Variants in RICTOR observed in about 807,000 individuals in gnomAD.
RICTOR encodes RPTOR independent companion of MTOR complex 2.
A neutral mutation model predicts 214.9 loss-of-function variants in RICTOR; 49 were observed. The ratio of observed to expected loss-of-function variants is 0.23; its 90% confidence interval spans 0.18 to 0.29. RICTOR has a LOEUF of 0.29. RICTOR is among the 10% of genes least tolerant of loss of function. RICTOR has a pLI of 1.00. For missense variants in RICTOR, 1,625 were observed against 2,047.0 expected (o/e 0.79, Z 3.98); for synonymous variants, 717 against 711.3 (o/e 1.01, Z -0.13).
intron 6 of RICTOR, among the ~76,000 whole-genome samples, chr5:38,993,254 ATC>A (rs781565147): frequency 8.5e-5 from 13 of 152,198 alleles, no homozygotes; most frequent in Non-Finnish European, 1.0e-4. Flanking sequence ...CAGCCAATGA[ATC>A]TCTTTCAAAT....
intron 2 of RICTOR, among the ~76,000 whole-genome samples, chr5:39,028,232 G>C (rs1755996345): frequency 7.2e-6 from 1 of 138,016 alleles, no homozygotes; most frequent in African/African-American, 2.8e-5. Context: ...GCCCAGGCTG[G>C]AGTGCAGTGG....
At chr5:39,023,203 T>C (rs1483243921) in intron 2 of RICTOR, among the ~76,000 whole-genome samples, 2 of 150,684 alleles carry the variant, frequency 1.3e-5, no homozygotes, top group African/African-American at 4.9e-5. Context: ...TTTAAAATAA[T>C]GAAAGAAAAA....
intron 2 of RICTOR, among the ~76,000 whole-genome samples, chr5:39,057,056 A>G (rs1758251000): frequency 6.6e-6 from 1 of 152,210 alleles, no homozygotes; most frequent in Admixed American, 6.5e-5. Flanking sequence ...CAGGTGCTCA[A>G]TGTATTATTT....
intron 3 of RICTOR, among the ~76,000 whole-genome samples, chr5:39,010,580 T>A (rs762160624): frequency 5.9e-5 from 9 of 152,166 alleles, no homozygotes; most frequent in Non-Finnish European, 8.8e-5. Flanking sequence ...TTTGACCAAA[T>A]TGCTGATAGT....
chr5:39,049,062 G>A (rs1393859555), intron 2 of RICTOR, among the ~76,000 whole-genome samples: 1 of 152,064 alleles, frequency 6.6e-6, no homozygotes, highest in Admixed American at 6.6e-5. Flanking sequence ...CTCTTGCATG[G>A]TTAAGGGAAA....
At chr5:39,032,660 T>C (rs560145846) in intron 2 of RICTOR, among the ~76,000 whole-genome samples, 2 of 152,152 alleles carry the variant, frequency 1.3e-5, no homozygotes, top group Non-Finnish European at 1.5e-5. Flanking sequence ...GAGTCACACA[T>C]TAGAAAAGAG....
intron 36 of RICTOR, chr5:38,944,159 TAAA>T (rs1561434548): frequency 2.0e-6 from 1 of 490,318 alleles, no homozygotes; most frequent in Non-Finnish European, 3.9e-6. Context: ...TTTCCAAAAG[TAAA>T]AAAGTGAGAA....
chr5:39,035,724 A>G (rs1303091814), intron 2 of RICTOR, among the ~76,000 whole-genome samples: 2 of 152,250 alleles, frequency 1.3e-5, no homozygotes, highest in African/African-American at 4.8e-5. Flanking sequence ...TATCAGCGAT[A>G]GAAGATGAAA....
intron 2 of RICTOR, among the ~76,000 whole-genome samples, chr5:39,063,866 G>A (rs948873037): frequency 2.0e-5 from 3 of 151,340 alleles, no homozygotes; most frequent in African/African-American, 4.9e-5. Context: ...ATTGAAGGAC[G>A]CAGATTCTTG....
At chr5:39,064,649 G>A (rs181055041) in intron 2 of RICTOR, among the ~76,000 whole-genome samples, 18 of 152,210 alleles carry the variant, frequency 1.2e-4, no homozygotes, top group Admixed American at 6.5e-4. Flanking sequence ...ACCTGGGAGC[G>A]GGAGGAGGCA....
intron 3 of RICTOR, among the ~76,000 whole-genome samples, chr5:39,020,812 T>A (rs1580119800): frequency 6.6e-6 from 1 of 152,246 alleles, no homozygotes; most frequent in East Asian, 1.9e-4. Flanking sequence ...TCAGTGATTT[T>A]ATTCTTTTCT....
At chr5:38,988,313 T>A (rs932675731) in intron 7 of RICTOR, among the ~76,000 whole-genome samples, 2 of 152,162 alleles carry the variant, frequency 1.3e-5, no homozygotes, top group African/African-American at 4.8e-5. Flanking sequence ...CCCACTATTA[T>A]TGTGTGGGAG....
intron 21 of RICTOR, 105 bp downstream of exon 21, chr5:38,959,674 A>G: frequency 2.8e-6 from 2 of 705,974 alleles, no homozygotes; most frequent in South Asian, 4.1e-5. Context: ...AATTTAAAAT[A>G]AAACTTAACC....
intron 2 of RICTOR, among the ~76,000 whole-genome samples, chr5:39,046,537 A>C (rs1757517326): frequency 6.6e-6 from 1 of 151,170 alleles, no homozygotes; most frequent in Non-Finnish European, 1.5e-5. Flanking sequence ...GCCATCATTC[A>C]AATTAAGCTG....
intron 2 of RICTOR, among the ~76,000 whole-genome samples, chr5:39,073,510 G>A (rs1449975141): frequency 6.6e-6 from 1 of 152,158 alleles, no homozygotes; most frequent in Non-Finnish European, 1.5e-5. Flanking sequence ...CCAGCGGCCC[G>A]GGAAAGGGAA....
chr5:38,950,803 A>T (rs1748710318), intron 30 of RICTOR, 83 bp from the exon 31 acceptor site: 1 of 1,247,952 alleles, frequency 8.0e-7, no homozygotes, highest in African/African-American at 1.5e-5. Flanking sequence ...ATTTCAGGAA[A>T]TTTTTTTTTA....
chr5:39,047,251 G>T (rs146119251), intron 2 of RICTOR, among the ~76,000 whole-genome samples: 2 of 152,066 alleles, frequency 1.3e-5, no homozygotes, highest in Admixed American at 6.6e-5. Flanking sequence ...AGGGTCAAGT[G>T]GGGGGGATGG....
In RICTOR at chr5:38,939,240, C is replaced by T. The variant is rs888364142; in HGVS notation, c.*3064G>A. 1.7e-5 allele frequency: 4 copies of T among 232,544 alleles called. No individual in the cohort carries two copies. The highest frequency in any genetic ancestry group is 6.1e-5 in the East Asian group (1 of 16,402). The allele number at this position is 232,544 out of a possible 1,614,324, so 14.4% of individuals were successfully genotyped here. ...GATATCCCACTGCTGAACACTTGGC[C>T]GTTGTGATATGCCCTGAAAAACTCA... On this transcript the variant is annotated 3_prime_UTR_variant, in exon 38 of 38. Coordinates refer to ENST00000357387, the MANE Select transcript of RICTOR (RefSeq NM_152756.5).
intron 3 of RICTOR, among the ~76,000 whole-genome samples, chr5:39,020,669 C>T (rs1755352512): frequency 6.6e-6 from 1 of 152,178 alleles, no homozygotes; most frequent in Admixed American, 6.5e-5. Context: ...TATTGCGACA[C>T]TTTATTGCAC....
Sources: allele counts gnomAD v4.1 joint callset (sites outside exome capture counted in the v4.1 genomes callset), GRCh38; gene constraint gnomAD v4.1.1; transcripts MANE v1.5; gene names NCBI Gene and HGNC (gene_info 2026-07-23, HGNC 2026-07-21).